Variants in STEAP1B observed in about 807,000 individuals in gnomAD.
STEAP1B encodes the protein STEAP family protein MGC87042.
STEAP1B carries 13 observed loss-of-function variants against 27.9 expected under a neutral mutation model. The ratio of observed to expected loss-of-function variants is 0.47; its 90% CI spans 0.30 to 0.74. STEAP1B has a LOEUF of 0.74. Ranked by LOEUF, STEAP1B falls within the 30% of genes least tolerant of loss-of-function variation. The probability of loss-of-function intolerance (pLI) is 0.06; values close to 1 mark genes in which losing one functional copy is unlikely to be tolerated. For missense variants in STEAP1B, 250 were observed against 298.7 expected, an observed-to-expected ratio of 0.84 and a Z score of 1.20; for synonymous variants, 86 against 107.1, an observed-to-expected ratio of 0.80 and a Z score of 1.22.
intron 4 of STEAP1B, among the ~76,000 whole-genome samples, chr7:22,487,477 A>G (rs1316963514): frequency 1.3e-5 from 2 of 151,094 alleles, no homozygotes; most frequent in Non-Finnish European, 2.9e-5. Flanking sequence ...TGAAAAAAAA[A>G]TGTCTTGCAA....
intron 4 of STEAP1B, among the ~76,000 whole-genome samples, chr7:22,443,441 G>A (rs725095): frequency 0.35 from 53,730 of 152,030 alleles, 9,525 homozygotes; most frequent in Middle Eastern, 0.45. Flanking sequence ...CAAGGAAGAC[G>A]TAAGTGAAAA....
At chr7:22,438,521 CT>C (rs779150822) in intron 4 of STEAP1B, 396 of 1,551,224 alleles carry the variant, frequency 2.6e-4, no homozygotes, top group Non-Finnish European at 3.2e-4. Context: ...AATAACTTGT[CT>C]TTTTTATTGA....
chr7:22,489,677 A>C (rs915524395), intron 4 of STEAP1B, among the ~76,000 whole-genome samples: 2 of 152,238 alleles, frequency 1.3e-5, no homozygotes, highest in East Asian at 3.8e-4. Flanking sequence ...GATTGTCAGC[A>C]ATCACTAGAA....
chr7:22,451,040 C>CA (rs1295621190), intron 4 of STEAP1B, among the ~76,000 whole-genome samples: 6 of 151,730 alleles, frequency 4.0e-5, no homozygotes, highest in African/African-American at 1.5e-4. Flanking sequence ...ACTACAAATG[C>CA]AAAAAAATTA....
At chr7:22,424,536 G>A (rs928288317) in intron 4 of STEAP1B, among the ~76,000 whole-genome samples, 1 of 152,158 alleles carries the variant, frequency 6.6e-6, no homozygotes, top group Non-Finnish European at 1.5e-5. Context: ...AAATCTCCTT[G>A]TATGCTGTTG....
intron 4 of STEAP1B, among the ~76,000 whole-genome samples, chr7:22,457,673 A>T (rs1177234401): frequency 6.6e-6 from 1 of 152,228 alleles, no homozygotes; most frequent in Non-Finnish European, 1.5e-5. Flanking sequence ...TGCCTTCCTA[A>T]GTCACACTTT....
At chr7:22,497,719 T>C (rs1243186970) in intron 1 of STEAP1B, among the ~76,000 whole-genome samples, 12 of 152,184 alleles carry the variant, frequency 7.9e-5, no homozygotes, top group Non-Finnish European at 1.5e-4. Context: ...TATAAAGAAA[T>C]ACCTGAGACT....
At chr7:22,485,340 GC>G (rs1250479020) in intron 4 of STEAP1B, among the ~76,000 whole-genome samples, 1 of 152,196 alleles carries the variant, frequency 6.6e-6, no homozygotes, top group African/African-American at 2.4e-5. Flanking sequence ...CAACATTGAA[GC>G]AAGACCTCCA....
intron 4 of STEAP1B, among the ~76,000 whole-genome samples, chr7:22,435,962 C>T (rs777892512): frequency 9.2e-5 from 14 of 152,346 alleles, no homozygotes; most frequent in East Asian, 1.9e-4. Context: ...GGGCAGAACA[C>T]GGTCTGGTGG....
At chr7:22,439,395 C>G (rs1466959861) in intron 4 of STEAP1B, among the ~76,000 whole-genome samples, 1 of 152,078 alleles carries the variant, frequency 6.6e-6, no homozygotes, top group African/African-American at 2.4e-5. Context: ...CTATTAGAAT[C>G]CTGATACTTC....
At chr7:22,484,997 T>G (rs1247042180) in intron 4 of STEAP1B, among the ~76,000 whole-genome samples, 1 of 152,154 alleles carries the variant, frequency 6.6e-6, no homozygotes, top group African/African-American at 2.4e-5. Flanking sequence ...AAGTGAGGAG[T>G]TGCTTTTCAT....
chr7:22,492,867 T>C, intron 3 of STEAP1B, 138 bp from the exon 4 acceptor site: 6 of 1,375,920 alleles, frequency 4.4e-6, no homozygotes, highest in Non-Finnish European at 4.7e-6. Context: ...TTTTTCTTTT[T>C]TTTTTGCATT....
chr7:22,426,230 G>A (rs1302424303), intron 4 of STEAP1B, among the ~76,000 whole-genome samples: 1 of 152,130 alleles, frequency 6.6e-6, no homozygotes, highest in Non-Finnish European at 1.5e-5. Flanking sequence ...ATATTCAGTA[G>A]TTTGGCAAAC....
intron 4 of STEAP1B, among the ~76,000 whole-genome samples, chr7:22,482,061 C>A (rs150986649): frequency 6.6e-6 from 1 of 152,336 alleles, no homozygotes; most frequent in Non-Finnish European, 1.5e-5. Flanking sequence ...CAGGCAGAGC[C>A]ATGTCTGGGT....
chr7:22,439,936 T>G (rs1785307313), intron 4 of STEAP1B, among the ~76,000 whole-genome samples: 1 of 148,290 alleles, frequency 6.7e-6, no homozygotes, highest in South Asian at 2.2e-4. Flanking sequence ...GGCGTACACA[T>G]TTTCTGTTGC....
intron 4 of STEAP1B, among the ~76,000 whole-genome samples, chr7:22,469,940 G>A (rs1785851693): frequency 6.6e-6 from 1 of 152,148 alleles, no homozygotes; most frequent in Admixed American, 6.5e-5. Flanking sequence ...GCTGACTCAT[G>A]TTTAAAAAAA....
At chr7:22,487,519 G>A (rs758582303) in intron 4 of STEAP1B, among the ~76,000 whole-genome samples, 3 of 150,634 alleles carry the variant, frequency 2.0e-5, no homozygotes, top group East Asian at 2.0e-4. Context: ...TGCCGGGCGC[G>A]TTGGCTCATG....
chr7:22,497,285 CTGCCATGCTTTT>C (rs1786458520), intron 1 of STEAP1B, among the ~76,000 whole-genome samples: 1 of 152,192 alleles, frequency 6.6e-6, no homozygotes, highest in Admixed American at 6.5e-5. Flanking sequence ...CAGTATAAGC[CTGCCATGCTTTT>C]TTCTCCATGC....
chr7:22,484,556 G>A (rs62447560), intron 4 of STEAP1B, among the ~76,000 whole-genome samples: 31,200 of 152,032 alleles, frequency 0.21, 3,339 homozygotes, highest in East Asian at 0.4. Flanking sequence ...GATGCAAGGA[G>A]ACGAATGTTT....
Sources: allele counts gnomAD v4.1 joint callset (sites outside exome capture counted in the v4.1 genomes callset), GRCh38; gene constraint gnomAD v4.1.1; transcripts MANE v1.5; gene names NCBI Gene and HGNC (gene_info 2026-07-23, HGNC 2026-07-21).